DYDC2: variants seen among roughly 807,000 people sequenced by gnomAD.
DYDC2 encodes DPY30 domain containing 2, also known as DPY30 domain-containing protein 2.
A neutral mutation model predicts 18.7 loss-of-function variants in DYDC2; 19 were observed. The observed-to-expected ratio is 1.02, with a 90% CI of 0.71 to 1.49. The LOEUF is 1.49. Among genes scored for constraint, DYDC2 ranks in the 40% most tolerant of loss-of-function variants. The pLI, the probability that DYDC2 is intolerant of heterozygous loss-of-function variation, is 0.00. For synonymous variants in DYDC2, 63 were observed against 67.6 expected (o/e 0.93, Z 0.34); for missense variants, 179 against 205.1 (o/e 0.87, Z 0.78).
chr10:80,352,300 A>G (rs1843042970), upstream of DYDC2: 1 of 1,146,996 alleles, frequency 8.7e-7, no homozygotes, highest in Non-Finnish European at 1.2e-6. Context: ...TCTTTGGGTA[A>G]TGTTTTCTCC....
upstream of DYDC2, chr10:80,351,909 G>C (rs748781386): frequency 8.7e-6 from 14 of 1,614,124 alleles, no homozygotes; most frequent in Non-Finnish European, 1.2e-5. Context: ...ACCTGCTGAA[G>C]TAAGAGCTCC....
At chr10:80,356,205 G>T (rs1843358755), upstream of DYDC2, 16 of 970,480 alleles carry the variant, frequency 1.6e-5, no homozygotes, top group Non-Finnish European at 2.0e-5. Flanking sequence ...GTGAAACGAG[G>T]ATAATACCCA....
upstream of DYDC2, among the ~76,000 whole-genome samples, chr10:80,354,880 G>A (rs1222503318): frequency 6.6e-6 from 1 of 152,004 alleles, no homozygotes; most frequent in East Asian, 1.9e-4. Context: ...ACCCAGTGTT[G>A]GTAATTTGCT....
At chr10:80,356,395 C>T (rs532871175), upstream of DYDC2, 6 of 985,634 alleles carry the variant, frequency 6.1e-6, no homozygotes, top group South Asian at 1.9e-4. Context: ...GCCAACTGGG[C>T]GGGGGCACCC....
intron 2 of DYDC2, 48 bp downstream of exon 2, chr10:80,358,093 T>C: frequency 1.0e-6 from 1 of 984,548 alleles, no homozygotes; most frequent in Non-Finnish European, 1.2e-6. Context: ...AGGCATCCCC[T>C]TGGCCAGGCG....
Position 80,362,501 on chromosome 10 carries a change from G to C in DYDC2, c.58G>C (p.Glu20Gln), listed in dbSNP as rs1276203343. 2.5e-6 allele frequency: 4 copies of C among 1,614,212 alleles called. No individual in the cohort carries two copies. Reference protein sequence around the residue: ...FGNCLAQALAEVAKVRPSDPI... With the variant: ...FGNCLAQALAQVAKVRPSDPI... ...AAATTGCCTGGCCCAGGCACTGGCA[G>C]AGGTGGCGAAGGTTCGGCCCAGTGA... The change falls in exon 3 of 5, where the codon GAG becomes CAG. Residue 20 changes from glutamate (E) to glutamine (Q), a missense_variant. Glu to Gln is a conservative substitution (Grantham distance 29, BLOSUM62 2). Coordinates refer to ENST00000256039, the MANE Select transcript of DYDC2 (RefSeq NM_032372.6).
At chr10:80,359,102 G>T (rs1257351348) in intron 2 of DYDC2, among the ~76,000 whole-genome samples, 1 of 152,122 alleles carries the variant, frequency 6.6e-6, no homozygotes, top group Non-Finnish European at 1.5e-5. Context: ...TCCCTTATCC[G>T]GCCCTACCCA....
At chr10:80,362,828 G>C in intron 3 of DYDC2, 123 bp from the exon 4 acceptor site, 1 of 1,366,490 alleles carries the variant, frequency 7.3e-7, no homozygotes, top group Non-Finnish European at 1.0e-6. Flanking sequence ...GCTAAAGCTA[G>C]TTACAAGAGG....
rs1365473337 is a variant in DYDC2 at position 80,362,920 on chromosome 10, G to A, written c.148-31G>A. The A allele has an allele frequency of 1.4e-5, 23 of 1,604,668 alleles. No individual in the cohort carries two copies. The Admixed American group carries it at 3.2e-4, about 23-fold the overall frequency. On this transcript the variant is annotated intron_variant, in intron 3 of 4. Transcript: ENST00000256039. ...CGTTTATAAGGCTTCCCTGGTTGCT[G>A]ACCTGATTTGACTCTGTCACCTCAC...
Position 80,367,067 on chromosome 10 carries a change from C to A in DYDC2, c.*116C>A. ...AAGGCAAGTTCAGGGACTCTCCAGC[C>A]TACTCCTTTTCTGAAAAACCCTTAA... On this transcript the variant is annotated 3_prime_UTR_variant, in exon 5 of 5. Coordinates refer to ENST00000256039, the MANE Select transcript of DYDC2 (RefSeq NM_032372.6). 1 of 1,268,076 alleles carries A rather than the reference C, an allele frequency of 7.9e-7. No individual in the cohort carries two copies. Among genetic ancestry groups the A allele is most frequent in the Non-Finnish European group, 1.1e-6 (1 of 923,706 alleles). 78.6% of individuals were successfully genotyped at this position (1,268,076 alleles called of 1,614,324 possible).
upstream of DYDC2, among the ~76,000 whole-genome samples, chr10:80,353,943 G>T (rs2132849080): frequency 6.6e-6 from 1 of 152,100 alleles, no homozygotes; most frequent in East Asian, 1.9e-4. Context: ...GTGAAACCCA[G>T]TCTCTACTGA....
chr10:80,347,752 T>G (rs77958190), intron 1 of DYDC2, among the ~76,000 whole-genome samples: 9,372 of 152,206 alleles, frequency 0.062, 292 homozygotes, highest in Middle Eastern at 0.1. Flanking sequence ...TGTCAAAAAT[T>G]AGTTGACCGT....
upstream of DYDC2, chr10:80,356,192 T>C (rs1843358049): frequency 1.0e-6 from 1 of 952,980 alleles, no homozygotes; most frequent in Admixed American, 6.2e-5. Context: ...CATGTTCCTG[T>C]CTGTGAAACG....
intron 1 of DYDC2, among the ~76,000 whole-genome samples, chr10:80,346,904 G>A (rs560747892): frequency 5.3e-5 from 8 of 151,164 alleles, no homozygotes; most frequent in Non-Finnish European, 1.0e-4. Context: ...GCGAAACCCC[G>A]TCTCTACTAA....
At chr10:80,362,746 G>T (rs1212041688) in intron 3 of DYDC2, among the ~76,000 whole-genome samples, 156 bp downstream of exon 3, 1 of 152,118 alleles carries the variant, frequency 6.6e-6, no homozygotes, top group Admixed American at 6.5e-5. Context: ...GGGGATCCTG[G>T]GGGCTAACTC....
intron 1 of DYDC2, among the ~76,000 whole-genome samples, chr10:80,349,182 C>A (rs1010590321): frequency 6.6e-6 from 1 of 152,208 alleles, no homozygotes; most frequent in African/African-American, 2.4e-5. Flanking sequence ...TGAGCCACCG[C>A]GCCCGGCCCG....
At chr10:80,350,814 T>G (rs1012936957) in intron 1 of DYDC2, among the ~76,000 whole-genome samples, 2 of 152,136 alleles carry the variant, frequency 1.3e-5, no homozygotes, top group African/African-American at 4.8e-5. Context: ...ATTAAATCAG[T>G]CCAGAAGCCA....
At chr10:80,354,692 T>C (rs1324612620), upstream of DYDC2, among the ~76,000 whole-genome samples, 1 of 152,000 alleles carries the variant, frequency 6.6e-6, no homozygotes, top group Non-Finnish European at 1.5e-5. Flanking sequence ...TTAATGCCCT[T>C]ATAAAAAGAG....
intron 2 of DYDC2, among the ~76,000 whole-genome samples, chr10:80,360,081 G>C (rs1311534889): frequency 6.6e-6 from 1 of 152,260 alleles, no homozygotes; most frequent in Non-Finnish European, 1.5e-5. Flanking sequence ...CGTCAGACTA[G>C]CTTTGAGTAA....
Sources: allele counts gnomAD v4.1 joint callset (sites outside exome capture counted in the v4.1 genomes callset), GRCh38; gene constraint gnomAD v4.1.1; transcripts MANE v1.5; gene names NCBI Gene and HGNC (gene_info 2026-07-23, HGNC 2026-07-21).